The following CASP8 variants were observed in gnomAD, a reference collection of about 807,000 sequenced individuals.
CASP8 encodes the protein caspase-8.
CASP8 carries 24 observed loss-of-function variants against 46.3 expected under a neutral mutation model. The observed-to-expected ratio is 0.52, with a 90% CI of 0.38 to 0.73. CASP8 has a LOEUF of 0.73. Among genes scored for constraint, CASP8 ranks in the 30% least tolerant of loss-of-function variants. The pLI is 0.00. For missense variants in CASP8, 460 were observed against 559.0 expected (o/e 0.82, Z 1.79); for synonymous variants, 188 against 200.4 (o/e 0.94, Z 0.52).
Position 201,285,190 on chromosome 2 carries a change from A to G in CASP8, c.1177A>G (p.Ile393Val). ...TTTATCATCACCTCAAACGAGATAT[A>G]TCCCGGATGAGGCTGACTTTCTGCT... is the stretch of plus-strand genomic sequence containing the variant. ...MDLSSPQTRYIPDEADFLLGM... is the reference protein window; with the variant it reads ...MDLSSPQTRYVPDEADFLLGM... Residue 393 changes from isoleucine (I) to valine (V), a missense_variant, in exon 8 of 9, where the codon ATC becomes GTC. Ile to Val is a conservative substitution (Grantham distance 29). Coordinates refer to ENST00000673742, the MANE Select transcript of CASP8 (RefSeq NM_001372051.1). 1 of 1,614,248 alleles carries G rather than the reference A, an allele frequency of 6.2e-7. No individual in the cohort carries two copies.
At chr2:201,252,267 G>A (rs918796451) in intron 2 of CASP8, among the ~76,000 whole-genome samples, 1 of 151,666 alleles carries the variant, frequency 6.6e-6, no homozygotes, top group African/African-American at 2.4e-5. Flanking sequence ...TAACAGCATG[G>A]TTTTTGTTTT....
At chr2:201,249,639 C>T (rs895344283) in intron 2 of CASP8, among the ~76,000 whole-genome samples, 4 of 152,282 alleles carry the variant, frequency 2.6e-5, no homozygotes, top group African/African-American at 7.2e-5. Context: ...GCGAGAGGAT[C>T]GCTTGAGCGC....
In CASP8 at chr2:201,237,509, C is replaced by T. The variant is rs73047426; in HGVS notation, c.-27+3397C>T. On this transcript the variant is annotated intron_variant, in intron 2 of 6. Coordinates refer to the CASP8 transcript ENST00000264274. ...GAAAAGAAAACATCCAGCAAGGTCT[C>T]GGAGGAAAAATAGAAAATTAGAAGA... Among the ~76,000 whole-genome samples the T allele has an allele frequency of 2.5e-3, 370 of 149,462 alleles. 1 individual carries two copies. The highest frequency in any genetic ancestry group is 8.6e-3 in the African/African-American group (350 of 40,648).
chr2:201,272,789 T>C lies in CASP8; in HGVS notation c.550+13T>C. 6.2e-7 allele frequency: 1 copy of C among 1,614,156 alleles called. No individual in the cohort carries two copies. The highest frequency in any genetic ancestry group is 8.5e-7 in the Non-Finnish European group (1 of 1,180,028). The stretch of plus-strand genomic sequence containing the variant: ...GAATTCAGCAAAGGTAGAAACAACC[T>C]GACAGCCGGGAATCGGCAAAACCTA... On this transcript the variant is annotated intron_variant, in intron 4 of 8. Transcript: ENST00000673742. The surrounding 1 kb of genome is among the most constrained non-coding windows in gnomAD (Gnocchi z 4.4).
intron 2 of CASP8, among the ~76,000 whole-genome samples, chr2:201,255,127 A>G (rs1049547171): frequency 5.3e-5 from 8 of 152,166 alleles, no homozygotes; most frequent in African/African-American, 1.9e-4. Context: ...TCTGTCACTC[A>G]CGCTGGAGTG....
chr2:201,237,438 TAAAAAAA>T (rs774127508), intron 2 of CASP8, among the ~76,000 whole-genome samples: 4 of 46,112 alleles, frequency 8.7e-5, no homozygotes, highest in Admixed American at 6.0e-4. Context: ...ATCTTCAGAG[TAAAAAAA>T]AAAAAAAAAA....
At chr2:201,265,666 C>T (rs1947762352) in intron 1 of CASP8, among the ~76,000 whole-genome samples, 1 of 152,124 alleles carries the variant, frequency 6.6e-6, no homozygotes, top group African/African-American at 2.4e-5. Context: ...ACCCCTCGCC[C>T]CATGGTAATG....
chr2:201,251,908 A>C (rs1946805504), intron 2 of CASP8, among the ~76,000 whole-genome samples: 1 of 152,180 alleles, frequency 6.6e-6, no homozygotes, highest in East Asian at 1.9e-4. Flanking sequence ...CCGTCTAAAA[A>C]AAAAAAAAGC....
intron 1 of CASP8, among the ~76,000 whole-genome samples, chr2:201,263,355 G>A (rs1241910398): frequency 9.9e-5 from 15 of 152,118 alleles, no homozygotes; most frequent in African/African-American, 3.6e-4. Flanking sequence ...CTAAGATTAA[G>A]TGCCTTACAG....
intron 7 of CASP8, among the ~76,000 whole-genome samples, chr2:201,281,226 A>T (rs1170549880): frequency 1.3e-5 from 2 of 152,106 alleles, no homozygotes; most frequent in African/African-American, 4.8e-5. Flanking sequence ...AGGCAGGAGA[A>T]TTGCTTGAAC....
intron 2 of CASP8, chr2:201,241,136 A>T (rs899632003): frequency 6.6e-6 from 1 of 152,188 alleles, no homozygotes; most frequent in Admixed American, 6.5e-5. Context: ...GAGGAGAAGA[A>T]GATGAAGAAG....
chr2:201,272,080 G>T lies in CASP8; in HGVS notation c.411+459G>T, dbSNP rs1220490860. ...ATCTCTGTGTGTCTCTGTATAAGTG[G>T]TGTGTGTGTCTGTGTATCTCTGTGT... On this transcript the variant is annotated intron_variant, in intron 3 of 8. Coordinates refer to ENST00000673742, the MANE Select transcript of CASP8 (RefSeq NM_001372051.1). This position sits in a 1 kb window ranked among gnomAD's most constrained non-coding sequence, Gnocchi z 4.4. Among the ~76,000 whole-genome samples, 1 of 151,730 alleles carries T rather than the reference G, an allele frequency of 6.6e-6. No individual in the cohort carries two copies. The highest frequency in any genetic ancestry group is 1.5e-5 in the Non-Finnish European group (1 of 67,914).
rs1434045796 is a variant in CASP8, at chr2:201,269,498, G to A, written c.306-2018G>A. ...GGTCTCATCTTGTGCCCACCATCTT[G>A]GTCCTTTGAAGGTTCCACTTCTGCC... On this transcript the variant is annotated intron_variant, in intron 2 of 8. Transcript: ENST00000673742. 1 of 1,603,612 alleles carries A rather than the reference G, an allele frequency of 6.2e-7. No homozygotes were observed. The highest frequency in any genetic ancestry group is 1.3e-5 in the African/African-American group (1 of 74,700).
At chr2:201,251,709 C>T (rs1008388806) in intron 2 of CASP8, among the ~76,000 whole-genome samples, 3 of 151,066 alleles carry the variant, frequency 2.0e-5, no homozygotes, top group African/African-American at 7.3e-5. Context: ...TTAACACCAG[C>T]CCGACCAACA....
rs537338476 is a variant in CASP8, at chr2:201,287,550, C to G, written c.*956C>G. The G allele has an allele frequency of 2.6e-5, 4 of 154,714 alleles. No individual in the cohort carries two copies. Among genetic ancestry groups the G allele is most frequent in the African/African-American group, 9.6e-5 (4 of 41,546 alleles). The allele number at this position is 154,714 out of a possible 1,614,324, so 9.6% of individuals were successfully genotyped here. On this transcript the variant is annotated 3_prime_UTR_variant, in exon 9 of 9. Coordinates refer to ENST00000673742, the MANE Select transcript of CASP8 (RefSeq NM_001372051.1). ...ATATATGCTTGGCTAACTATATTTGCTTTTTGCTAACAATGCTCTGGGGTC... is the reference window on the plus strand; with the variant it reads ...ATATATGCTTGGCTAACTATATTTGGTTTTTGCTAACAATGCTCTGGGGTC...
chr2:201,280,362 G>A (rs1413542531), intron 7 of CASP8, among the ~76,000 whole-genome samples: 1 of 152,192 alleles, frequency 6.6e-6, no homozygotes, highest in Non-Finnish European at 1.5e-5. Flanking sequence ...AACTTTCCAA[G>A]AACGAAATGA....
At chr2:201,273,058 CTT>C (rs397826156) in intron 5 of CASP8, 116 bp downstream of exon 5, 8,217 of 579,886 alleles carry the variant, frequency 0.014, no homozygotes, top group East Asian at 0.021. Context: ...TCTACTTTTT[CTT>C]TTTTTTTTTT....
intron 2 of CASP8, among the ~76,000 whole-genome samples, chr2:201,235,123 C>T (rs1398492717): frequency 6.6e-6 from 1 of 152,092 alleles, no homozygotes; most frequent in East Asian, 1.9e-4. Flanking sequence ...TACCCATTAT[C>T]GAGAAGGGAA....
upstream of CASP8, among the ~76,000 whole-genome samples, chr2:201,256,999 G>T (rs180866701): frequency 2.1e-3 from 322 of 151,728 alleles, 1 homozygote; most frequent in Middle Eastern, 6.8e-3. Flanking sequence ...TACAAAATTA[G>T]CCGGGCATGG....
Sources: allele counts gnomAD v4.1 joint callset (sites outside exome capture counted in the v4.1 genomes callset), GRCh38; gene constraint gnomAD v4.1.1; non-coding constraint Gnocchi (gnomAD v3.1); transcripts MANE v1.5; gene names NCBI Gene and HGNC (gene_info 2026-07-23, HGNC 2026-07-21).